Variants in TNRC6B observed in about 807,000 individuals in gnomAD.
TNRC6B encodes the protein trinucleotide repeat containing adaptor 6B, also known as trinucleotide repeat-containing gene 6B protein.
In TNRC6B, 52 loss-of-function variants were observed where a neutral mutation model predicts 203.6. The ratio of observed to expected loss-of-function variants is 0.26; its 90% CI spans 0.20 to 0.32. TNRC6B has a LOEUF of 0.32. TNRC6B is among the 10% of genes least tolerant of loss of function. TNRC6B has a pLI of 1.00. For synonymous variants in TNRC6B, 838 were observed against 845.7 expected (o/e 0.99, Z 0.16); for missense variants, 1,923 against 2,286.2 (o/e 0.84, Z 3.24).
chr22:40,310,471 G>A (rs1426760907), intron 16 of TNRC6B, among the ~76,000 whole-genome samples: 1 of 152,156 alleles, frequency 6.6e-6, no homozygotes, highest in African/African-American at 2.4e-5. Flanking sequence ...TCACTCTTGA[G>A]TCGTTAGCAT....
intron 2 of TNRC6B, among the ~76,000 whole-genome samples, chr22:40,249,097 G>C (rs959878983): frequency 8.5e-5 from 13 of 152,276 alleles, no homozygotes; most frequent in Admixed American, 3.3e-4. Flanking sequence ...AACATTTGTG[G>C]TGCCTCTTCT....
intron 3 of TNRC6B, among the ~76,000 whole-genome samples, chr22:40,126,243 AATTTT>A (rs947838472): frequency 6.6e-6 from 1 of 152,062 alleles, no homozygotes; most frequent in Non-Finnish European, 1.5e-5. Flanking sequence ...TTCTATTACA[AATTTT>A]ATTTTATTTT....
At chr22:40,107,339 AT>A (rs1016129336) in intron 1 of TNRC6B, among the ~76,000 whole-genome samples, 1 of 152,160 alleles carries the variant, frequency 6.6e-6, no homozygotes, top group African/African-American at 2.4e-5. Context: ...GCCTTTAAAA[AT>A]TTTTAAATAT....
chr22:40,222,535 C>G (rs999827076), intron 1 of TNRC6B, among the ~76,000 whole-genome samples: 1 of 152,108 alleles, frequency 6.6e-6, no homozygotes, highest in African/African-American at 2.4e-5. Context: ...GACAGCATTC[C>G]AGTCTTGACC....
chr22:40,234,729 ATCTTTCT>A (rs1213453270), intron 1 of TNRC6B, among the ~76,000 whole-genome samples: 17 of 152,282 alleles, frequency 1.1e-4, no homozygotes, highest in Non-Finnish European at 2.2e-4. Context: ...ATTTACCTTA[ATCTTTCT>A]AGTTTTAATG....
At position 40,277,149 on chromosome 22, in the gene TNRC6B, C is replaced by T. The variant is rs751549218; in HGVS notation, c.3214C>T (p.Leu1072=). 1 of 1,603,712 alleles carries T rather than the reference C, an allele frequency of 6.2e-7. No homozygotes were observed. Among genetic ancestry groups the T allele is most frequent in the Non-Finnish European group, 8.5e-7 (1 of 1,176,314 alleles). ...LAKQFSNMGL[L]SQTEDNPSSK... Reference sequence around the variant, plus strand: ...CAAACAGTTTTCAAATATGGGATTGCTGGTAAGTTTTATTTTTTTCAAATG... The same window carrying T: ...CAAACAGTTTTCAAATATGGGATTGTTGGTAAGTTTTATTTTTTTCAAATG... Residue 1072 remains leucine, a splice_region_variant and synonymous_variant, in exon 8 of 23, where the codon CTG becomes TTG. Coordinates refer to ENST00000454349, the MANE Select transcript of TNRC6B (RefSeq NM_001162501.2).
intron 2 of TNRC6B, among the ~76,000 whole-genome samples, chr22:40,246,555 T>G (rs1340032756): frequency 6.6e-6 from 1 of 152,158 alleles, no homozygotes; most frequent in Non-Finnish European, 1.5e-5. Flanking sequence ...TATTTGGAAG[T>G]GGGAGAAAGT....
At chr22:40,050,968 G>A (rs1181485798) in intron 1 of TNRC6B, among the ~76,000 whole-genome samples, 2 of 151,998 alleles carry the variant, frequency 1.3e-5, no homozygotes, top group Non-Finnish European at 1.5e-5. Flanking sequence ...AGGACTACAG[G>A]TGCGCACCAC....
intron 1 of TNRC6B, among the ~76,000 whole-genome samples, chr22:40,186,480 C>T (rs7288257): frequency 0.5 from 75,893 of 151,686 alleles, 22,643 homozygotes; most frequent in African/African-American, 0.84. Context: ...TGGCTCACAC[C>T]TGTAATCCCA....
chr22:40,064,568 C>T (rs1345392082), intron 1 of TNRC6B, among the ~76,000 whole-genome samples: 1 of 150,140 alleles, frequency 6.7e-6, no homozygotes, highest in Non-Finnish European at 1.5e-5. Context: ...ATTAAGCTAA[C>T]TTTGCATTCC....
At chr22:40,237,641 C>T (rs1171705852) in intron 1 of TNRC6B, among the ~76,000 whole-genome samples, 2 of 152,090 alleles carry the variant, frequency 1.3e-5, no homozygotes, top group Non-Finnish European at 2.9e-5. Context: ...TCCCTTCCCC[C>T]AAACTCACAC....
At chr22:40,115,170 C>G (rs2068375735) in intron 1 of TNRC6B, among the ~76,000 whole-genome samples, 1 of 152,148 alleles carries the variant, frequency 6.6e-6, no homozygotes, top group Admixed American at 6.5e-5. Context: ...GACATGGTCT[C>G]TTTCTAGCCT....
intron 10 of TNRC6B, among the ~76,000 whole-genome samples, chr22:40,280,591 C>T (rs2070710138): frequency 1.3e-5 from 2 of 152,198 alleles, no homozygotes; most frequent in South Asian, 2.1e-4. Flanking sequence ...TTCAAATTCT[C>T]ATCTACCTAA....
chr22:40,066,114 G>A (rs1459081629), intron 1 of TNRC6B, among the ~76,000 whole-genome samples: 2 of 151,990 alleles, frequency 1.3e-5, no homozygotes, highest in Non-Finnish European at 2.9e-5. Flanking sequence ...TCAAGTAAAG[G>A]TATTCCTCTG....
intron 17 of TNRC6B, among the ~76,000 whole-genome samples, chr22:40,311,838 C>T (rs1454805436): frequency 2.6e-5 from 4 of 152,184 alleles, no homozygotes; most frequent in Non-Finnish European, 4.4e-5. Context: ...CCACCACGCC[C>T]GGCCAAAGTA....
chr22:40,132,328 T>G (rs979997405), intron 3 of TNRC6B, among the ~76,000 whole-genome samples: 4 of 150,324 alleles, frequency 2.7e-5, no homozygotes, highest in Admixed American at 6.6e-5. Context: ...ATCACACCAC[T>G]GCACTCCAGC....
chr22:40,119,631 C>G (rs2068425083), intron 2 of TNRC6B, among the ~76,000 whole-genome samples: 1 of 152,208 alleles, frequency 6.6e-6, no homozygotes. Context: ...TACGTAAACA[C>G]TTGTGTGTTG....
chr22:40,079,677 G>A (rs1011993085), intron 1 of TNRC6B, among the ~76,000 whole-genome samples: 8 of 151,938 alleles, frequency 5.3e-5, no homozygotes, highest in South Asian at 2.1e-4. Flanking sequence ...AGAGTACAGT[G>A]GCACAATCAT....
chr22:40,236,147 AT>A (rs1446072008), intron 1 of TNRC6B, among the ~76,000 whole-genome samples: 1 of 152,132 alleles, frequency 6.6e-6, no homozygotes, highest in East Asian at 1.9e-4. Context: ...TTAATTGCCT[AT>A]GTGTTTAGTT....
Sources: gnomAD v4.1 joint callset for allele counts (sites outside exome capture counted in the v4.1 genomes callset) on GRCh38, gnomAD v4.1.1 for gene constraint, MANE v1.5 for transcripts, NCBI Gene and HGNC (gene_info 2026-07-23, HGNC 2026-07-21) for gene names.